CNTN5: variants seen among roughly 807,000 people sequenced by gnomAD.
The protein encoded by CNTN5 is contactin 5, also known as contactin-5.
CNTN5 carries 77 observed loss-of-function variants against 129.1 expected under a neutral mutation model. The ratio of observed to expected loss-of-function variants is 0.60; its 90% CI spans 0.50 to 0.72. CNTN5 has a LOEUF of 0.72. CNTN5 is among the 30% of genes least tolerant of loss of function. CNTN5 has a pLI of 0.00. For synonymous variants in CNTN5, 509 were observed against 465.6 expected (o/e 1.09, Z -1.20); for missense variants, 1,478 against 1,328.8 (o/e 1.11, Z -1.75).
intron 6 of CNTN5, among the ~76,000 whole-genome samples, chr11:99,906,289 T>G (rs1949503989): frequency 6.6e-6 from 1 of 152,188 alleles, no homozygotes; most frequent in Admixed American, 6.5e-5. Flanking sequence ...AAATAGCTCT[T>G]ATTATTTTGA....
chr11:99,156,874 A>G (rs1379066683), intron 1 of CNTN5, among the ~76,000 whole-genome samples: 1 of 152,054 alleles, frequency 6.6e-6, no homozygotes, highest in Non-Finnish European at 1.5e-5. Flanking sequence ...TCTCAGGTGT[A>G]TAATACTGTG....
Position 100,058,473 on chromosome 11 carries a change from G to A in CNTN5, c.981-2739G>A, listed in dbSNP as rs183573055. Among the ~76,000 whole-genome samples, 383 of 152,114 alleles carry A rather than the reference G, an allele frequency of 2.5e-3. 2 individuals carry two copies. Among genetic ancestry groups the A allele is most frequent in the African/African-American group, 8.6e-3 (359 of 41,530 alleles). ...TCACAAACAACCTTAATAAGCTACA[G>A]ACAATCTCACCTCTGAATATATGCA... On this transcript the variant is annotated intron_variant, in intron 9 of 24. Transcript: ENST00000524871.
At chr11:99,332,608 T>TA (rs1866045902) in intron 2 of CNTN5, among the ~76,000 whole-genome samples, 1 of 152,062 alleles carries the variant, frequency 6.6e-6, no homozygotes, top group African/African-American at 2.4e-5. Flanking sequence ...CTTACTCTAT[T>TA]ATGGTGTACA....
chr11:99,829,743 G>A (rs1202398246), intron 4 of CNTN5, among the ~76,000 whole-genome samples: 1 of 152,182 alleles, frequency 6.6e-6, no homozygotes, highest in East Asian at 1.9e-4. Flanking sequence ...AGTTATTTGA[G>A]TACAAAGAGT....
chr11:100,330,871 C>T (rs180975123), intron 21 of CNTN5, among the ~76,000 whole-genome samples: 20 of 152,204 alleles, frequency 1.3e-4, no homozygotes, highest in African/African-American at 4.3e-4. Flanking sequence ...AAAATAGAAC[C>T]TCCTCAAAGC....
intron 4 of CNTN5, among the ~76,000 whole-genome samples, chr11:99,840,184 G>C (rs1264224848): frequency 1.3e-5 from 2 of 152,030 alleles, no homozygotes; most frequent in African/African-American, 4.8e-5. Flanking sequence ...AAAAATACAC[G>C]CAAAATCATT....
chr11:99,996,936 G>A (rs1255771932), intron 8 of CNTN5, among the ~76,000 whole-genome samples: 2 of 152,206 alleles, frequency 1.3e-5, no homozygotes, highest in South Asian at 2.1e-4. Context: ...TTTGGCATGT[G>A]GGGATTACCA....
intron 2 of CNTN5, among the ~76,000 whole-genome samples, chr11:99,538,538 C>A (rs1432540613): frequency 1.3e-5 from 2 of 152,102 alleles, no homozygotes; most frequent in Non-Finnish European, 2.9e-5. Context: ...ATTAAATATG[C>A]TCATAAAAAT....
At chr11:99,541,483 T>C (rs1565276613) in intron 2 of CNTN5, among the ~76,000 whole-genome samples, 2 of 152,108 alleles carry the variant, frequency 1.3e-5, no homozygotes, top group Admixed American at 6.6e-5. Context: ...AGTTAACAAC[T>C]GGAGGGCCAA....
chr11:100,200,977 A>C (rs566615301), intron 15 of CNTN5, among the ~76,000 whole-genome samples: 1 of 151,902 alleles, frequency 6.6e-6, no homozygotes, highest in Non-Finnish European at 1.5e-5. Context: ...TAATAATCCT[A>C]TATTCTCACT....
intron 2 of CNTN5, among the ~76,000 whole-genome samples, chr11:99,422,631 A>G (rs1591656281): frequency 6.7e-6 from 1 of 150,268 alleles, no homozygotes; most frequent in South Asian, 2.1e-4. Flanking sequence ...CGTATGTAAA[A>G]CAAAGAGAGT....
intron 2 of CNTN5, among the ~76,000 whole-genome samples, chr11:99,440,752 A>G (rs1188349766): frequency 6.6e-6 from 1 of 152,182 alleles, no homozygotes; most frequent in Non-Finnish European, 1.5e-5. Context: ...AAGCATTATG[A>G]AGGAGCAAGT....
chr11:100,290,326 T>G (rs1176375800), intron 18 of CNTN5, among the ~76,000 whole-genome samples: 1 of 152,020 alleles, frequency 6.6e-6, no homozygotes, highest in Non-Finnish European at 1.5e-5. Context: ...AGAACAAAGC[T>G]AGAGGCATCA....
At position 100,172,996 on chromosome 11, in the gene CNTN5, TGA is replaced by T. The variant is rs1387223337; in HGVS notation, c.1581-18126_1581-18125del. Among the ~76,000 whole-genome samples the T allele has an allele frequency of 5.3e-5, 8 of 152,156 alleles. No homozygotes were observed. The East Asian group carries it at 1.6e-3, about 30-fold the overall frequency. On this transcript the variant is annotated intron_variant, in intron 13 of 24. Transcript: ENST00000524871. ...TTGCAGTAACATAGATGAATCCTGATGAGAGTCTCAAATAAGGTAGGGGAGGT... is the reference window on the plus strand; with the variant it reads ...TTGCAGTAACATAGATGAATCCTGATGAGTCTCAAATAAGGTAGGGGAGGT...
chr11:99,820,534 C>T (rs2135560073), intron 4 of CNTN5, among the ~76,000 whole-genome samples: 1 of 152,422 alleles, frequency 6.6e-6, no homozygotes, highest in African/African-American at 2.4e-5. Flanking sequence ...ATGTTGTCTA[C>T]CTTTGTCATT....
At chr11:100,194,276 A>G (rs1463178793) in intron 15 of CNTN5, among the ~76,000 whole-genome samples, 1 of 151,978 alleles carries the variant, frequency 6.6e-6, no homozygotes, top group Non-Finnish European at 1.5e-5. Context: ...ACTCTAGAGA[A>G]GTGAAAAGAG....
At chr11:99,440,707 A>G (rs1943792327) in intron 2 of CNTN5, among the ~76,000 whole-genome samples, 2 of 152,080 alleles carry the variant, frequency 1.3e-5, no homozygotes, top group South Asian at 4.1e-4. Context: ...ATTTGGCAAC[A>G]TGAATTGATG....
At chr11:100,346,342 T>G (rs1311810236) in intron 23 of CNTN5, among the ~76,000 whole-genome samples, 1 of 152,126 alleles carries the variant, frequency 6.6e-6, no homozygotes, top group Non-Finnish European at 1.5e-5. Flanking sequence ...TTTAATGATC[T>G]CAAAAATGGA....
At chr11:99,547,003 CTTTTT>C (rs59675284) in intron 2 of CNTN5, among the ~76,000 whole-genome samples, 1 of 128,648 alleles carries the variant, frequency 7.8e-6, no homozygotes. Flanking sequence ...AAATTATTTT[CTTTTT>C]TTTTTTTTTT....
Sources: gnomAD v4.1 joint callset for allele counts (sites outside exome capture counted in the v4.1 genomes callset) on GRCh38, gnomAD v4.1.1 for gene constraint, MANE v1.5 for transcripts, NCBI Gene and HGNC (gene_info 2026-07-23, HGNC 2026-07-21) for gene names.